SF3A3: variants seen among roughly 807,000 people sequenced by gnomAD.
The protein encoded by SF3A3 is SAP 61.
In SF3A3, 9 loss-of-function variants were observed where a neutral mutation model predicts 85.8. The ratio of observed to expected loss-of-function variants is 0.10; its 90% CI spans 0.06 to 0.18. The LOEUF is 0.18. Ranked by LOEUF, SF3A3 falls within the 10% of genes least tolerant of loss-of-function variation. SF3A3 has a pLI of 1.00. For missense variants in SF3A3, 306 were observed against 593.3 expected (o/e 0.52, Z 5.03); for synonymous variants, 195 against 204.4 (o/e 0.95, Z 0.39).
chr1:37,989,006 T>C (rs1037660405), intron 2 of SF3A3, among the ~76,000 whole-genome samples: 4 of 152,002 alleles, frequency 2.6e-5, no homozygotes, highest in African/African-American at 7.3e-5. Context: ...AATGGGCACG[T>C]GTAAGCCGGC....
Position 37,960,139 on chromosome 1 carries a change from C to T in SF3A3, c.1409G>A (p.Arg470Gln), listed in dbSNP as rs1646247275. The T allele has an allele frequency of 5.0e-6, 8 of 1,614,054 alleles. No homozygotes were observed. The highest frequency in any genetic ancestry group is 6.8e-6 in the Non-Finnish European group (8 of 1,179,990). Residue 470 changes from arginine to glutamine, a missense_variant, in exon 16 of 17, where the codon CGA (arginine) becomes CAA (glutamine). By Grantham distance (43) the Arg-to-Gln change is conservative. Around this residue, in one of 4 missense-constraint regions of SF3A3, gnomAD observed 18 missense variants for 77.4 expected, o/e 0.23. Transcript: ENST00000373019. ...AKLKLQKASE[R>Q]WQPDTEEEYE... Reference sequence around the variant, plus strand: ...ACCCACCTCAGTGTCAGGCTGCCATCGTTCTGAAGCCTTCTGCAATTTCAG... The same window carrying T: ...ACCCACCTCAGTGTCAGGCTGCCATTGTTCTGAAGCCTTCTGCAATTTCAG...
chr1:37,962,685 G>A (rs1333221096), intron 15 of SF3A3, among the ~76,000 whole-genome samples: 1 of 151,336 alleles, frequency 6.6e-6, no homozygotes, highest in Non-Finnish European at 1.5e-5. Context: ...ATTTCAGAGG[G>A]CTCTTTCTTA....
chr1:37,960,049 T>A (rs1570450811), intron 16 of SF3A3, 71 bp downstream of exon 16: 2 of 1,214,810 alleles, frequency 1.6e-6, no homozygotes, highest in East Asian at 4.7e-5. Flanking sequence ...ATCTTTCACC[T>A]CCTTTCTACA....
rs1646246248 is a variant in SF3A3, at chr1:37,960,012, A to C, written c.1428+108T>G. The C allele has an allele frequency of 2.0e-5, 15 of 755,226 alleles. 2 individuals carry two copies. Among genetic ancestry groups the C allele is most frequent in the Middle Eastern group, 7.7e-4 (2 of 2,612 alleles). The allele number at this position is 755,226 out of a possible 1,614,324, so 46.8% of individuals were successfully genotyped here. A position where few individuals can be genotyped will look rare whatever the true frequency, so the allele number is the denominator to read the frequency against. ...CAATTTGTAGATATTGTCACATTCT[A>C]CTCGCTGCTGCAGTACACCAGGGAC... On this transcript the variant is annotated intron_variant, in intron 16 of 16. Transcript: ENST00000373019.
chr1:37,980,585 C>A lies in SF3A3; in HGVS notation c.690+1G>T. On this transcript the variant is annotated splice_donor_variant, in intron 8 of 16. Transcript: ENST00000373019. LOFTEE classifies it high-confidence loss of function. ...ACCATTCACATCCCACTGAAGCTCA[C>A]CGGCCATCCAGGAAAGGTCCCATTC... 6.2e-7 allele frequency: 1 copy of A among 1,613,632 alleles called. No individual in the cohort carries two copies. Among genetic ancestry groups the A allele is most frequent in the Non-Finnish European group, 8.5e-7 (1 of 1,179,846 alleles).
intron 16 of SF3A3, among the ~76,000 whole-genome samples, chr1:37,958,497 A>G (rs1053231963): frequency 1.2e-4 from 18 of 152,220 alleles, no homozygotes; most frequent in Admixed American, 1.3e-4. Context: ...ATCTAGAATG[A>G]TATCAGTCAT....
chr1:37,989,936 G>C lies in SF3A3; in HGVS notation c.30C>G (p.Arg10=). The part of the protein sequence containing the change: METILEQQR[R]YHEEKERLMD... The stretch of plus-strand genomic sequence containing the variant: ...TGAGCCGTTCCTTCTCCTCATGATA[G>C]CGCCGCTGCTGCTCCAGTATTGTCT... Residue 10 remains arginine (R), a synonymous_variant, in exon 1 of 17, where the codon CGC becomes CGG. Transcript: ENST00000373019. The C allele has an allele frequency of 1.2e-6, 2 of 1,613,124 alleles. No individual in the cohort carries two copies. Among genetic ancestry groups the C allele is most frequent in the Non-Finnish European group, 1.7e-6 (2 of 1,179,880 alleles).
At chr1:37,987,736 G>A (rs1274869109) in intron 3 of SF3A3, 48 bp downstream of exon 3, 1 of 1,599,754 alleles carries the variant, frequency 6.3e-7, no homozygotes, top group Non-Finnish European at 8.6e-7. Flanking sequence ...CTCTAACCAT[G>A]GCTCCTCAGA....
At chr1:37,979,851 C>G (rs1646404929) in intron 8 of SF3A3, among the ~76,000 whole-genome samples, 1 of 149,636 alleles carries the variant, frequency 6.7e-6, no homozygotes, top group Non-Finnish European at 1.5e-5. Context: ...CAGATGGAGA[C>G]TTTGTCTCCC....
chr1:37,979,626 T>G, intron 8 of SF3A3, 93 bp from the exon 9 acceptor site: 2 of 845,716 alleles, frequency 2.4e-6, no homozygotes, highest in Non-Finnish European at 3.9e-6. Context: ...GAGGCCAAGA[T>G]AGGTGAATTG....
At chr1:37,989,068 G>C (rs1280445505) in intron 2 of SF3A3, among the ~76,000 whole-genome samples, 1 of 151,944 alleles carries the variant, frequency 6.6e-6, no homozygotes, top group Admixed American at 6.6e-5. Context: ...GAGGTAGGTG[G>C]ATCACGAGGT....
At chr1:37,984,124 C>T in intron 6 of SF3A3, 45 bp downstream of exon 6, 1 of 1,064,844 alleles carries the variant, frequency 9.4e-7, no homozygotes. Context: ...ACTGTCCTGA[C>T]TCACTTCGAG....
At chr1:37,981,917 G>C (rs1313959754) in intron 6 of SF3A3, 106 bp from the exon 7 acceptor site, 3 of 691,882 alleles carry the variant, frequency 4.3e-6, no homozygotes, top group African/African-American at 1.8e-5. Context: ...GTTTTCTAAA[G>C]AAGTAACAAG....
intron 4 of SF3A3, 39 bp downstream of exon 4, chr1:37,987,534 A>AGTATGCTTTCCTTT: frequency 7.1e-7 from 1 of 1,418,334 alleles, no homozygotes; most frequent in Non-Finnish European, 1.0e-6. Context: ...AGTATGCTTT[A>AGTATGCTTTCCTTT]AGGATAGGTC....
At position 37,958,296 on chromosome 1, in the gene SF3A3, C is replaced by G. The variant is rs755171769; in HGVS notation, c.1429-33G>C. The stretch of plus-strand genomic sequence containing the variant: ...GGAAGGGGTACACTTTGTTAGACAG[C>G]TCTCCTAAAAGAAATGTTTGGAACC... On this transcript the variant is annotated intron_variant, in intron 16 of 16. Coordinates refer to ENST00000373019, the MANE Select transcript of SF3A3 (RefSeq NM_006802.4). 3 of 1,478,492 alleles carry G rather than the reference C, an allele frequency of 2.0e-6. No homozygotes were observed. The African/African-American group carries it at 4.2e-5, about 21-fold the overall frequency. 91.6% of individuals were successfully genotyped at this position (1,478,492 alleles called of 1,614,324 possible).
rs1383106556 is a variant in SF3A3 at position 37,957,254 on chromosome 1, T to C, written c.*932A>G. The C allele has an allele frequency of 6.6e-6, 1 of 152,100 alleles. No homozygotes were observed. The highest frequency in any genetic ancestry group is 2.4e-5 in the African/African-American group (1 of 41,410). 9.4% of individuals were successfully genotyped at this position (152,100 alleles called of 1,614,324 possible). On this transcript the variant is annotated 3_prime_UTR_variant, in exon 17 of 17. Coordinates refer to ENST00000373019, the MANE Select transcript of SF3A3 (RefSeq NM_006802.4). Reference sequence around the variant, plus strand: ...CTTTTACAGTCAAATAGGGATCTTGTAGAAGAAACAGGTAGACAGACCCAC... The same window carrying C: ...CTTTTACAGTCAAATAGGGATCTTGCAGAAGAAACAGGTAGACAGACCCAC...
chr1:37,988,220 A>C (rs1318503154), intron 2 of SF3A3, among the ~76,000 whole-genome samples: 1 of 152,212 alleles, frequency 6.6e-6, no homozygotes, highest in African/African-American at 2.4e-5. Context: ...CACTATTTCA[A>C]AACGCTTGAC....
intron 15 of SF3A3, among the ~76,000 whole-genome samples, chr1:37,961,780 A>AAAAAAAAAAAAG (rs1553164720): frequency 7.1e-6 from 1 of 141,772 alleles, no homozygotes; most frequent in African/African-American, 2.9e-5. Flanking sequence ...AAAAAAAAAA[A>AAAAAAAAAAAAG]AAAGAAAGAA....
chr1:37,963,805 C>T (rs1258819486), intron 15 of SF3A3, among the ~76,000 whole-genome samples: 1 of 148,596 alleles, frequency 6.7e-6, no homozygotes, highest in Non-Finnish European at 1.5e-5. Context: ...ATCTGCCCGC[C>T]TCAGCCTCCC....
Sources: allele counts gnomAD v4.1 joint callset (sites outside exome capture counted in the v4.1 genomes callset), GRCh38; gene constraint gnomAD v4.1.1; regional missense constraint gnomAD v4.1.1; transcripts MANE v1.5; gene names NCBI Gene and HGNC (gene_info 2026-07-23, HGNC 2026-07-21).